TLE4: variants seen among roughly 807,000 people sequenced by gnomAD.
The protein encoded by TLE4 is TLE family member 4, transcriptional corepressor, also known as transducin-like enhancer protein 4.
Under a neutral mutation model 92.8 loss-of-function variants are expected in TLE4, and 8 were observed. That is an observed-to-expected ratio of 0.09 (90% CI 0.05 to 0.16). The LOEUF (loss-of-function observed/expected upper bound fraction) is 0.16, where lower values mean the gene tolerates loss of function less well. TLE4 is among the 10% of genes least tolerant of loss of function. The pLI is 1.00. For synonymous variants in TLE4, 371 were observed against 374.1 expected (o/e 0.99, Z 0.10); for missense variants, 675 against 997.6 (o/e 0.68, Z 4.36).
chr9:79,585,142 A>G (rs567464810), intron 4 of TLE4, among the ~76,000 whole-genome samples: 1 of 152,316 alleles, frequency 6.6e-6, no homozygotes, highest in East Asian at 1.9e-4. Flanking sequence ...ATTAGTAGAG[A>G]TAGTATAACG....
rs143542080 is a variant in TLE4, at chr9:79,612,880, A to G, written c.315+162A>G. Among the ~76,000 whole-genome samples, 510 of 152,272 alleles carry G rather than the reference A, an allele frequency of 3.3e-3. 4 individuals are homozygous for G. The highest frequency in any genetic ancestry group is 0.011 in the African/African-American group (471 of 41,568). On this transcript the variant is annotated intron_variant, in intron 5 of 19. Transcript: ENST00000376552. The stretch of plus-strand genomic sequence containing the variant: ...GTTCTCACTCCAACTTGTATACCTT[A>G]GTAACTTTCTGTGGGATATAATTTA...
chr9:79,669,302 G>A (rs1482922392), intron 8 of TLE4, among the ~76,000 whole-genome samples: 2 of 152,068 alleles, frequency 1.3e-5, no homozygotes, highest in Admixed American at 6.6e-5. Context: ...ACTCACCACC[G>A]TTTGATAGAT....
chr9:79,580,156 G>A (rs908625007), intron 4 of TLE4: 6 of 152,202 alleles, frequency 3.9e-5, no homozygotes, highest in African/African-American at 1.4e-4. Flanking sequence ...GTGGAGCAGC[G>A]AGACGGGCCC....
intron 8 of TLE4, among the ~76,000 whole-genome samples, chr9:79,681,498 A>G (rs2064573260): frequency 6.6e-6 from 1 of 152,140 alleles, no homozygotes; most frequent in Non-Finnish European, 1.5e-5. Flanking sequence ...GACAGCATAC[A>G]TGCCTGGTAA....
chr9:79,628,686 A>G (rs1443039394), intron 6 of TLE4, among the ~76,000 whole-genome samples: 1 of 152,154 alleles, frequency 6.6e-6, no homozygotes, highest in African/African-American at 2.4e-5. Flanking sequence ...TGGAAACAAG[A>G]GGCTGAATCA....
chr9:79,668,307 A>G (rs2061726872), intron 8 of TLE4, among the ~76,000 whole-genome samples: 1 of 152,242 alleles, frequency 6.6e-6, no homozygotes, highest in South Asian at 2.1e-4. Flanking sequence ...CAAAAGCATT[A>G]GATACAAATG....
chr9:79,683,485 T>TA (rs1218581348), intron 8 of TLE4, among the ~76,000 whole-genome samples: 2 of 152,208 alleles, frequency 1.3e-5, no homozygotes, highest in Non-Finnish European at 2.9e-5. Context: ...AAGGCACCAT[T>TA]ACTCTGGTCC....
At chr9:79,578,305 G>T (rs968159889) in intron 4 of TLE4, among the ~76,000 whole-genome samples, 1 of 152,130 alleles carries the variant, frequency 6.6e-6, no homozygotes, top group East Asian at 1.9e-4. Flanking sequence ...TGTCTCGAAG[G>T]GTTCAACAGT....
chr9:79,622,818 C>T (rs949074143), intron 5 of TLE4, among the ~76,000 whole-genome samples: 5 of 152,144 alleles, frequency 3.3e-5, no homozygotes, highest in African/African-American at 7.2e-5. Context: ...CCTCCTAAAA[C>T]TTCTTTCTGT....
chr9:79,581,850 G>C (rs571193685), intron 4 of TLE4, among the ~76,000 whole-genome samples: 8 of 152,086 alleles, frequency 5.3e-5, no homozygotes, highest in South Asian at 4.1e-4. Context: ...GGGATTCTCT[G>C]CAACTGCCTA....
At chr9:79,701,404 A>G (rs775837440) in intron 8 of TLE4, among the ~76,000 whole-genome samples, 1 of 152,246 alleles carries the variant, frequency 6.6e-6, no homozygotes, top group African/African-American at 2.4e-5. Context: ...GAGCCAATAA[A>G]TGAACATAAA....
At position 79,718,956 on chromosome 9, in the gene TLE4, C is replaced by G. The variant is rs1240833201; in HGVS notation, c.1575C>G (p.Ser525=). The change falls in exon 15 of 20, where the codon TCC becomes TCG. Residue 525 remains serine (S), a synonymous_variant. Transcript: ENST00000376552. Reference sequence around the variant, plus strand: ...ACCCAGGCAATAAGAGTCCTGTCTCCCAGCTCGACTGTCTGGTGAGTGAAC... The same window carrying G: ...ACCCAGGCAATAAGAGTCCTGTCTCGCAGCTCGACTGTCTGGTGAGTGAAC... The part of the protein sequence containing the change: ...ISHPGNKSPV[S]QLDCLNRDNY... 7 of 1,609,916 alleles carry G rather than the reference C, an allele frequency of 4.3e-6. No homozygotes were observed. The South Asian group carries it at 7.7e-5, about 18-fold the overall frequency.
At chr9:79,642,578 T>G (rs2057379775) in intron 6 of TLE4, among the ~76,000 whole-genome samples, 1 of 152,136 alleles carries the variant, frequency 6.6e-6, no homozygotes, top group Non-Finnish European at 1.5e-5. Context: ...CTTAAGTAGC[T>G]TAAACAAGCT....
chr9:79,585,503 C>T (rs958401976), intron 4 of TLE4, among the ~76,000 whole-genome samples: 30 of 152,206 alleles, frequency 2.0e-4, no homozygotes, highest in Non-Finnish European at 4.4e-5. Flanking sequence ...TTGCTAGTCA[C>T]CAGCTTTGTG....
chr9:79,681,842 G>GTT (rs1386991737), intron 8 of TLE4, among the ~76,000 whole-genome samples: 2 of 140,138 alleles, frequency 1.4e-5, no homozygotes, highest in Non-Finnish European at 3.0e-5. Context: ...ATGTGTGTGT[G>GTT]TGTGTGTGTG....
At chr9:79,697,328 A>T (rs1477442869) in intron 8 of TLE4, among the ~76,000 whole-genome samples, 1 of 152,182 alleles carries the variant, frequency 6.6e-6, no homozygotes, top group Non-Finnish European at 1.5e-5. Flanking sequence ...TGTTAATACC[A>T]TGCCATCTCT....
At chr9:79,597,940 A>G (rs2044439776) in intron 4 of TLE4, among the ~76,000 whole-genome samples, 1 of 152,068 alleles carries the variant, frequency 6.6e-6, no homozygotes, top group Admixed American at 6.6e-5. Flanking sequence ...CCATATTTAA[A>G]AGGACTCACT....
intron 7 of TLE4, chr9:79,653,013 T>C (rs1442642291): frequency 8.0e-6 from 5 of 626,718 alleles, no homozygotes; most frequent in Non-Finnish European, 1.5e-5. Flanking sequence ...GAGGGGCCTA[T>C]TTCTGGTTAT....
intron 8 of TLE4, chr9:79,671,278 A>G (rs762484796): frequency 1.5e-5 from 7 of 456,478 alleles, no homozygotes; most frequent in South Asian, 1.1e-4. Context: ...GGTTCCTGTC[A>G]GTCTAAATCC....
Sources: gnomAD v4.1 joint callset for allele counts (sites outside exome capture counted in the v4.1 genomes callset) on GRCh38, gnomAD v4.1.1 for gene constraint, MANE v1.5 for transcripts, NCBI Gene and HGNC (gene_info 2026-07-23, HGNC 2026-07-21) for gene names.